TEX14: variants seen among roughly 807,000 people sequenced by gnomAD.
TEX14 encodes the protein testis expressed 14, intercellular bridge forming factor.
TEX14 carries 168 observed loss-of-function variants against 178.6 expected under a neutral mutation model. That is an observed-to-expected ratio of 0.94 (90% CI 0.83 to 1.07). The LOEUF (loss-of-function observed/expected upper bound fraction) is 1.07, where lower values mean the gene tolerates loss of function less well. Among genes scored for constraint, TEX14 ranks in the 50% least tolerant of loss-of-function variants. TEX14 has a pLI of 0.00. For synonymous variants in TEX14, 626 were observed against 634.1 expected (o/e 0.99, Z 0.19); for missense variants, 1,730 against 1,753.6 (o/e 0.99, Z 0.24).
intron 2 of TEX14, among the ~76,000 whole-genome samples, chr17:58,648,555 T>C (rs912417273): frequency 3.3e-5 from 5 of 152,138 alleles, no homozygotes; most frequent in Non-Finnish European, 5.9e-5. Flanking sequence ...AGCAGTCTTC[T>C]TGCCTCCTCA....
chr17:58,622,137 T>C (rs1488186637), intron 4 of TEX14, among the ~76,000 whole-genome samples: 1 of 152,180 alleles, frequency 6.6e-6, no homozygotes, highest in African/African-American at 2.4e-5. Flanking sequence ...ATTTATGTTA[T>C]TTAGTCTTCA....
intron 29 of TEX14, among the ~76,000 whole-genome samples, chr17:58,560,323 T>A (rs1235343044): frequency 6.6e-6 from 1 of 152,172 alleles, no homozygotes; most frequent in Non-Finnish European, 1.5e-5. Flanking sequence ...TTTTTTCCCC[T>A]CTTAATATTT....
At chr17:58,631,789 A>G (rs139762465) in intron 2 of TEX14, 6 of 152,196 alleles carry the variant, frequency 3.9e-5, no homozygotes, top group Admixed American at 2.0e-4. Context: ...GTTCAGATAT[A>G]CTCCTCGAGA....
intron 4 of TEX14, among the ~76,000 whole-genome samples, chr17:58,622,403 G>A (rs777874334): frequency 2.0e-5 from 3 of 149,818 alleles, no homozygotes; most frequent in African/African-American, 4.9e-5. Flanking sequence ...CTGAGCTCGC[G>A]CCACTGCACT....
Position 58,599,280 on chromosome 17 carries a change from A to T in TEX14, c.2065T>A (p.Ser689Thr), listed in dbSNP as rs1286599533. 1 of 1,613,506 alleles carries T rather than the reference A, an allele frequency of 6.2e-7. No individual in the cohort carries two copies. The highest frequency in any genetic ancestry group is 8.5e-7 in the Non-Finnish European group (1 of 1,180,028). ...TTTTGCCAGTCCCAGTCATCAAAAG[A>T]GTACTCTGTCTCAGCTTTTGAAGAG... ...ESSSKAETEY[S>T]FDDWDWQNGS... Residue 689 changes from serine to threonine, a missense_variant, in exon 14 of 32, where the codon TCT becomes ACT. Physicochemically the swap from Ser to Thr is moderately conservative, Grantham distance 58. Around this residue, in one of 2 missense-constraint regions of TEX14, gnomAD observed 941 missense variants for 1,072.4 expected, o/e 0.88. Coordinates refer to ENST00000349033, the MANE Select transcript of TEX14 (RefSeq NM_031272.5).
At chr17:58,624,341 C>CTTTTT (rs34422419) in intron 3 of TEX14, among the ~76,000 whole-genome samples, 50 of 128,606 alleles carry the variant, frequency 3.9e-4, no homozygotes, top group South Asian at 5.2e-4. Context: ...CTTTTCTTTT[C>CTTTTT]TTTTTTTTTT....
chr17:58,627,048 CTT>C (rs1300593549), intron 3 of TEX14, among the ~76,000 whole-genome samples: 4 of 152,156 alleles, frequency 2.6e-5, no homozygotes, highest in East Asian at 1.9e-4. Flanking sequence ...GCCATCCTCT[CTT>C]GTTATTGTCC....
intron 10 of TEX14, 116 bp downstream of exon 10, chr17:58,611,045 T>A (rs1438320576): frequency 6.8e-6 from 5 of 733,792 alleles, no homozygotes; most frequent in Admixed American, 2.3e-5. Context: ...CAGCAACTGA[T>A]GAACAGGTTC....
intron 15 of TEX14, among the ~76,000 whole-genome samples, chr17:58,590,444 A>T (rs1427883658): frequency 6.6e-6 from 1 of 152,150 alleles, no homozygotes; most frequent in African/African-American, 2.4e-5. Flanking sequence ...GCAAAAACAA[A>T]GCATTATTTA....
chr17:58,638,825 C>T (rs930464048), intron 2 of TEX14, among the ~76,000 whole-genome samples: 2 of 151,252 alleles, frequency 1.3e-5, no homozygotes, highest in Non-Finnish European at 2.9e-5. Flanking sequence ...CAGGCATGAG[C>T]CACTGCGACC....
At chr17:58,690,661 G>A (rs2047685687) in intron 1 of TEX14, among the ~76,000 whole-genome samples, 1 of 152,116 alleles carries the variant, frequency 6.6e-6, no homozygotes, top group Non-Finnish European at 1.5e-5. Flanking sequence ...TCCACTGAGC[G>A]CTCAAATATA....
chr17:58,691,293 T>C (rs983695404), intron 1 of TEX14, among the ~76,000 whole-genome samples: 3 of 152,178 alleles, frequency 2.0e-5, no homozygotes, highest in African/African-American at 7.2e-5. Flanking sequence ...TTTCCTTTTT[T>C]AGATCTAAGT....
chr17:58,581,171 T>C (rs1700796902), intron 19 of TEX14, among the ~76,000 whole-genome samples: 2 of 151,690 alleles, frequency 1.3e-5, no homozygotes, highest in South Asian at 2.1e-4. Flanking sequence ...ATTAGCTGGG[T>C]GTGATGGCAC....
At chr17:58,685,122 A>G (rs942317566) in intron 1 of TEX14, among the ~76,000 whole-genome samples, 3 of 152,222 alleles carry the variant, frequency 2.0e-5, no homozygotes, top group Non-Finnish European at 1.5e-5. Flanking sequence ...ACATGTTACC[A>G]AAGTCAGAAT....
chr17:58,679,063 A>C (rs1260550487), intron 1 of TEX14, among the ~76,000 whole-genome samples: 1 of 152,060 alleles, frequency 6.6e-6, no homozygotes, highest in Non-Finnish European at 1.5e-5. Flanking sequence ...CTGAGGCAGG[A>C]GAATCCCTTG....
intron 15 of TEX14, among the ~76,000 whole-genome samples, chr17:58,588,909 A>G (rs1383166759): frequency 6.6e-6 from 1 of 152,182 alleles, no homozygotes; most frequent in Non-Finnish European, 1.5e-5. Flanking sequence ...CAGAAAAAAA[A>G]TAAACAAATA....
intron 2 of TEX14, among the ~76,000 whole-genome samples, chr17:58,635,426 C>T (rs897021263): frequency 6.9e-6 from 1 of 144,234 alleles, no homozygotes. Context: ...AAGGGCTTCT[C>T]TCTTTTTTTT....
chr17:58,590,322 C>T (rs2045099666), intron 15 of TEX14, among the ~76,000 whole-genome samples: 1 of 148,940 alleles, frequency 6.7e-6, no homozygotes. Context: ...GCCTGGGCGA[C>T]AGAGCGAGAC....
chr17:58,643,568 G>A (rs2046622625), intron 2 of TEX14, among the ~76,000 whole-genome samples: 5 of 149,282 alleles, frequency 3.3e-5, no homozygotes, highest in Non-Finnish European at 3.0e-5. Context: ...TCTCAAAAAT[G>A]AAAAAAAAAA....
Sources: allele counts gnomAD v4.1 joint callset (sites outside exome capture counted in the v4.1 genomes callset), GRCh38; gene constraint gnomAD v4.1.1; regional missense constraint gnomAD v4.1.1; transcripts MANE v1.5; gene names NCBI Gene and HGNC (gene_info 2026-07-23, HGNC 2026-07-21).